EIF3H: variants seen among roughly 807,000 people sequenced by gnomAD.
The protein encoded by EIF3H is eukaryotic translation initiation factor 3 subunit H.
A neutral mutation model predicts 44.2 loss-of-function variants in EIF3H; 26 were observed. The ratio of observed to expected loss-of-function variants is 0.59; its 90% CI spans 0.43 to 0.82. The LOEUF (loss-of-function observed/expected upper bound fraction) is 0.82, where lower values mean the gene tolerates loss of function less well. Ranked by LOEUF, EIF3H falls within the 40% of genes least tolerant of loss-of-function variation. EIF3H has a pLI of 0.00. For synonymous variants in EIF3H, 166 were observed against 151.9 expected (o/e 1.09, Z -0.68); for missense variants, 359 against 432.8 (o/e 0.83, Z 1.51).
chr8:116,752,791 G>GGAAGGAAGGAAGGAAGGAAGGAA (rs1563663281), intron 1 of EIF3H, among the ~76,000 whole-genome samples: 1 of 71,490 alleles, frequency 1.4e-5, no homozygotes, highest in Non-Finnish European at 2.5e-5. Context: ...GAGGGAGGGA[G>GGAAGGAAGGAAGGAAGGAAGGAA]GGAGGGAAGG....
chr8:116,711,390 G>A (rs1814570002), intron 2 of EIF3H, among the ~76,000 whole-genome samples: 1 of 151,986 alleles, frequency 6.6e-6, no homozygotes, highest in Admixed American at 6.6e-5. Context: ...TCTTTTTAAT[G>A]TTTTATTTTA....
At chr8:116,753,734 A>C (rs1000266659) in intron 1 of EIF3H, among the ~76,000 whole-genome samples, 2 of 152,192 alleles carry the variant, frequency 1.3e-5, no homozygotes, top group Non-Finnish European at 2.9e-5. Context: ...AGCTGCCAGG[A>C]CATTGTTACT....
At chr8:116,714,057 T>G (rs879314317) in intron 2 of EIF3H, among the ~76,000 whole-genome samples, 1 of 151,996 alleles carries the variant, frequency 6.6e-6, no homozygotes, top group Non-Finnish European at 1.5e-5. Flanking sequence ...AAAAACAACT[T>G]CTCTACCTGG....
intron 2 of EIF3H, among the ~76,000 whole-genome samples, chr8:116,720,693 G>C (rs1451477844): frequency 6.6e-6 from 1 of 152,130 alleles, no homozygotes; most frequent in Non-Finnish European, 1.5e-5. Context: ...GAATGGTTTT[G>C]ACCAAAATGC....
chr8:116,659,041 A>T, intron 2 of EIF3H, 61 bp from the exon 3 acceptor site: 3 of 1,422,352 alleles, frequency 2.1e-6, no homozygotes, highest in Non-Finnish European at 2.8e-6. Context: ...ACCAACATCA[A>T]AAACAAGCCG....
chr8:116,736,619 G>A (rs764637460), intron 1 of EIF3H, among the ~76,000 whole-genome samples: 7 of 151,990 alleles, frequency 4.6e-5, no homozygotes, highest in Non-Finnish European at 1.0e-4. Flanking sequence ...CCGAGATCGC[G>A]CCTTTGCACT....
At chr8:116,705,731 A>C (rs1367150666) in intron 2 of EIF3H, among the ~76,000 whole-genome samples, 1 of 152,166 alleles carries the variant, frequency 6.6e-6, no homozygotes, top group Non-Finnish European at 1.5e-5. Flanking sequence ...TAACCAGCGC[A>C]ACGTGGTATT....
chr8:116,731,794 T>C (rs1814954236), intron 1 of EIF3H, among the ~76,000 whole-genome samples: 1 of 152,236 alleles, frequency 6.6e-6, no homozygotes, highest in Admixed American at 6.5e-5. Context: ...TAGATTTGTT[T>C]ACCCTATAAA....
intron 2 of EIF3H, 149 bp from the exon 3 acceptor site, chr8:116,659,129 C>T (rs1813543636): frequency 4.6e-6 from 3 of 645,902 alleles, no homozygotes; most frequent in Non-Finnish European, 7.4e-6. Context: ...ATTCAGTTCA[C>T]ATATAAAGCA....
intron 1 of EIF3H, among the ~76,000 whole-genome samples, chr8:116,736,446 G>A (rs905148973): frequency 6.6e-6 from 1 of 152,110 alleles, no homozygotes; most frequent in Non-Finnish European, 1.5e-5. Context: ...CGGATCACGG[G>A]GTCAGGAGAT....
chr8:116,670,027 A>G (rs1202904406), intron 2 of EIF3H, among the ~76,000 whole-genome samples: 1 of 152,098 alleles, frequency 6.6e-6, no homozygotes, highest in Non-Finnish European at 1.5e-5. Context: ...GAGGTTAGGA[A>G]CCTATGGTTT....
At chr8:116,714,610 G>C (rs1471801413) in intron 2 of EIF3H, among the ~76,000 whole-genome samples, 2 of 151,866 alleles carry the variant, frequency 1.3e-5, no homozygotes, top group Non-Finnish European at 2.9e-5. Context: ...AGGTCACTAG[G>C]TAAACATGCT....
chr8:116,665,474 G>A (rs1813651869), intron 2 of EIF3H, among the ~76,000 whole-genome samples: 1 of 152,090 alleles, frequency 6.6e-6, no homozygotes. Context: ...ATCAGATCTA[G>A]TACATGTTCT....
At chr8:116,699,684 C>T (rs1476452600) in intron 2 of EIF3H, among the ~76,000 whole-genome samples, 1 of 152,146 alleles carries the variant, frequency 6.6e-6, no homozygotes, top group Non-Finnish European at 1.5e-5. Flanking sequence ...TACATTTACC[C>T]TGTGAATCTA....
chr8:116,673,224 C>T (rs1436262804), intron 2 of EIF3H, among the ~76,000 whole-genome samples: 1 of 152,120 alleles, frequency 6.6e-6, no homozygotes, highest in East Asian at 1.9e-4. Context: ...AGCATTTGGT[C>T]ACTGCCGGAG....
chr8:116,689,056 A>C (rs1396290938), intron 2 of EIF3H: 1 of 437,592 alleles, frequency 2.3e-6, no homozygotes, highest in East Asian at 7.3e-5. Context: ...AATAACAAAA[A>C]CGTATTACTT....
chr8:116,756,051 A>C, upstream of EIF3H: 1 of 1,496,816 alleles, frequency 6.7e-7, no homozygotes, highest in African/African-American at 1.4e-5. Flanking sequence ...TAAATGTTTA[A>C]TCATTCACCA....
intron 1 of EIF3H, among the ~76,000 whole-genome samples, chr8:116,733,773 T>A (rs1814988466): frequency 6.6e-6 from 1 of 152,116 alleles, no homozygotes; most frequent in African/African-American, 2.4e-5. Flanking sequence ...TGAAAAAAAT[T>A]AAAAATAAAT....
At chr8:116,753,674 CAG>C (rs1158416834) in intron 1 of EIF3H, among the ~76,000 whole-genome samples, 1 of 152,198 alleles carries the variant, frequency 6.6e-6, no homozygotes, top group African/African-American at 2.4e-5. Context: ...TGAAGTGATC[CAG>C]TCCATCTCCA....
Sources: allele counts gnomAD v4.1 joint callset (sites outside exome capture counted in the v4.1 genomes callset), GRCh38; gene constraint gnomAD v4.1.1; transcripts MANE v1.5; gene names NCBI Gene and HGNC (gene_info 2026-07-23, HGNC 2026-07-21).